Variants in DHX34 observed in about 807,000 individuals in gnomAD.
DHX34 encodes the protein probable ATP-dependent RNA helicase DHX34.
In DHX34, 96 loss-of-function variants were observed where a neutral mutation model predicts 111.1. The observed-to-expected ratio is 0.86, with a 90% confidence interval of 0.73 to 1.02. The LOEUF is 1.02. DHX34 is among the 50% of genes least tolerant of loss of function. DHX34 has a pLI of 0.00. For synonymous variants in DHX34, 688 were observed against 670.4 expected (o/e 1.03, Z -0.41); for missense variants, 1,560 against 1,579.9 (o/e 0.99, Z 0.21).
chr19:47,374,887 G>T (rs1168337323), intron 9 of DHX34, among the ~76,000 whole-genome samples: 1 of 152,206 alleles, frequency 6.6e-6, no homozygotes, highest in African/African-American at 2.4e-5. Flanking sequence ...ATCGGTCAGG[G>T]CTCAGCAGGA....
At position 47,377,122 on chromosome 19, in the gene DHX34, C is replaced by T; in HGVS notation, c.2622C>T (p.Ser874=). 6.2e-7 allele frequency: 1 copy of T among 1,614,052 alleles called. No individual in the cohort carries two copies. Among genetic ancestry groups the T allele is most frequent in the South Asian group, 1.1e-5 (1 of 91,088 alleles). ...GSRDDKDKMS[S]KHQLLSFVSL... ...CAGACGACAAGGACAAGATGAGCAG[C>T]AAACACCAGCTCCTCAGCTTCGTGT... Residue 874 remains serine, a synonymous_variant, in exon 13 of 17, where the codon AGC becomes AGT. Coordinates refer to ENST00000328771, the MANE Select transcript of DHX34 (RefSeq NM_014681.6).
rs1160534572 is a variant in DHX34 at position 47,372,727 on chromosome 19, C to T, written c.1769-3C>T. ...AGCCTCAACCCCGTGTCCGCCGCTG[C>T]AGGGAAGATGCTGATCCTGGGCTCC... On this transcript the variant is annotated splice_region_variant and splice_polypyrimidine_tract_variant and intron_variant, in intron 7 of 16. Transcript: ENST00000328771. 1.9e-6 allele frequency: 3 copies of T among 1,592,432 alleles called. No homozygotes were observed. Among genetic ancestry groups the T allele is most frequent in the Middle Eastern group, 1.7e-4 (1 of 5,886 alleles).
chr19:47,349,548 G>T (rs1293178283), intron 1 of DHX34, among the ~76,000 whole-genome samples, 196 bp downstream of exon 1: 1 of 152,138 alleles, frequency 6.6e-6, no homozygotes, highest in Admixed American at 6.5e-5. Context: ...GAACCTGGGC[G>T]ACAGGCCAGA....
intron 2 of DHX34, among the ~76,000 whole-genome samples, chr19:47,354,495 C>T (rs1328072879): frequency 6.6e-6 from 1 of 152,168 alleles, no homozygotes; most frequent in Admixed American, 6.6e-5. Flanking sequence ...TGCATTGTCA[C>T]ATGGAATTCT....
At position 47,353,410 on chromosome 19, in the gene DHX34, C is replaced by T. The variant is rs140291013; in HGVS notation, c.380C>T (p.Ala127Val). ...GSQGLGRHLP[A>V]ERVAEFRRAL... ...CAGGGACTGGGCAGGCACTTGCCCG[C>T]GGAGAGAGTGGCTGAGTTCCGCCGA... is the stretch of plus-strand genomic sequence containing the variant. Residue 127 changes from alanine to valine, a missense_variant, in exon 2 of 17, where the codon GCG (alanine) becomes GTG (valine). Transcript: ENST00000328771. This position sits in a 1 kb window ranked among gnomAD's most constrained non-coding sequence, Gnocchi z 4.6. 281 of 1,614,186 alleles carry T rather than the reference C, an allele frequency of 1.7e-4. 3 individuals carry two copies. The African/African-American group carries it at 2.8e-3, about 16-fold the overall frequency.
At chr19:47,367,214 T>G in intron 7 of DHX34, 59 bp downstream of exon 7, 1 of 1,356,862 alleles carries the variant, frequency 7.4e-7, no homozygotes, top group Non-Finnish European at 9.5e-7. Flanking sequence ...TGGGCACAGC[T>G]CACTCTCTGA....
chr19:47,356,345 G>A (rs1314411122), intron 3 of DHX34, among the ~76,000 whole-genome samples: 2 of 151,808 alleles, frequency 1.3e-5, no homozygotes. Flanking sequence ...AAAAAAGAAA[G>A]AATGGGTCGG....
intron 1 of DHX34, among the ~76,000 whole-genome samples, chr19:47,352,462 G>A (rs565161478): frequency 2.0e-5 from 3 of 152,296 alleles, no homozygotes; most frequent in Admixed American, 2.0e-4. Flanking sequence ...AATTGCTTGA[G>A]CCCAGAAGTT....
intron 12 of DHX34, 53 bp from the exon 13 acceptor site, chr19:47,377,047 G>A: frequency 2.5e-6 from 4 of 1,611,778 alleles, no homozygotes; most frequent in Non-Finnish European, 3.4e-6. Context: ...GCGGGCTTCT[G>A]ATGGGCCTGG....
intron 6 of DHX34, among the ~76,000 whole-genome samples, chr19:47,363,518 C>G (rs1969697418): frequency 6.6e-6 from 1 of 151,948 alleles, no homozygotes; most frequent in South Asian, 2.1e-4. Flanking sequence ...GAGAATTGTT[C>G]CTTAAATCCA....
intron 2 of DHX34, among the ~76,000 whole-genome samples, chr19:47,354,441 GTTAATA>G (rs1193063006): frequency 2.0e-5 from 3 of 152,282 alleles, no homozygotes; most frequent in Non-Finnish European, 2.9e-5. Context: ...TTGCTATATA[GTTAATA>G]TTATATATAC....
In DHX34 at chr19:47,372,830, G is replaced by C. The variant is rs1245301497; in HGVS notation, c.1869G>C (p.Gln623His). The C allele has an allele frequency of 3.1e-6, 5 of 1,612,802 alleles. No individual in the cohort carries two copies. Among genetic ancestry groups the C allele is most frequent in the Non-Finnish European group, 8.5e-7 (1 of 1,179,804 alleles). The change falls in exon 8 of 17, where the codon CAG (glutamine) becomes CAC (histidine). Residue 623 changes from glutamine to histidine, a missense_variant. Gln to His is a conservative substitution (Grantham distance 24). Transcript: ENST00000328771. ...SVQSPFTRSA[Q>H]SSPECAAARR... Reference sequence around the variant, plus strand: ...AGTCGCCCTTCACCCGCAGCGCCCAGAGCAGCCCAGAGTGCGCGGCAGCAC... The same window carrying C: ...AGTCGCCCTTCACCCGCAGCGCCCACAGCAGCCCAGAGTGCGCGGCAGCAC...
intron 6 of DHX34, among the ~76,000 whole-genome samples, chr19:47,363,793 G>C (rs965947117): frequency 2.1e-5 from 3 of 146,336 alleles, no homozygotes; most frequent in African/African-American, 7.8e-5. Flanking sequence ...ACTCCAGCCT[G>C]GGCGATAGAA....
Position 47,380,116 on chromosome 19 carries a change from G to C in DHX34, c.2982+131G>C, listed in dbSNP as rs961243482. On this transcript the variant is annotated intron_variant, in intron 14 of 16. Coordinates refer to ENST00000328771, the MANE Select transcript of DHX34 (RefSeq NM_014681.6). ...CATTTGGGGGTTTTCAGGCCACAGA[G>C]GTTCAGTCACTTACACAAGGTCACT... The C allele has an allele frequency of 3.6e-6, 5 of 1,405,416 alleles. No homozygotes were observed. The African/African-American group carries it at 5.8e-5, about 16-fold the overall frequency. 87.1% of individuals were successfully genotyped at this position (1,405,416 alleles called of 1,614,324 possible).
intron 9 of DHX34, among the ~76,000 whole-genome samples, chr19:47,374,386 G>A (rs1352549984): frequency 2.0e-5 from 3 of 146,482 alleles, no homozygotes; most frequent in South Asian, 2.1e-4. Context: ...GTGGTGAGCC[G>A]AGATTGAGCC....
At chr19:47,364,866 GA>G (rs1201268897) in intron 6 of DHX34, among the ~76,000 whole-genome samples, 3 of 152,140 alleles carry the variant, frequency 2.0e-5, no homozygotes, top group African/African-American at 7.2e-5. Context: ...GGCTCCATCC[GA>G]GGCCACCAGG....
In DHX34 at chr19:47,375,556, C is replaced by T. The variant is rs1379966329; in HGVS notation, c.2155C>T (p.Arg719Trp). 24 of 1,549,740 alleles carry T rather than the reference C, an allele frequency of 1.5e-5. No individual in the cohort carries two copies. In the East Asian group the frequency reaches 1.9e-4, roughly 12 times the overall value. ...TCGGTTGCAGCAGCGCCGGGAGCGCCGGGCCCTGCACCAGCTGAAACGCCA... is the reference window on the plus strand; with the variant it reads ...TCGGTTGCAGCAGCGCCGGGAGCGCTGGGCCCTGCACCAGCTGAAACGCCA... ...YSRLQQRRER[R>W]ALHQLKRQHE... Residue 719 changes from arginine (R) to tryptophan (W), a missense_variant, in exon 10 of 17, where the codon CGG becomes TGG. Arg to Trp is a moderately radical substitution (Grantham distance 101). Coordinates refer to ENST00000328771, the MANE Select transcript of DHX34 (RefSeq NM_014681.6).
At chr19:47,380,538 AGAC>A (rs1970319494) in intron 14 of DHX34, among the ~76,000 whole-genome samples, 2 of 151,370 alleles carry the variant, frequency 1.3e-5, no homozygotes, top group Non-Finnish European at 2.9e-5. Flanking sequence ...GGAGGTGGCC[AGAC>A]TTGAAGGTTA....
In DHX34 at chr19:47,375,534, G is replaced by A. The variant is rs1481819910; in HGVS notation, c.2133G>A (p.Arg711=). ...QAAQVGDSYS[R]LQQRRERRAL... is the part of the protein sequence containing the mutation. ...CGCAGGTAGGGGACAGCTACAGTCG[G>A]TTGCAGCAGCGCCGGGAGCGCCGGG... The change falls in exon 10 of 17, where the codon CGG becomes CGA. Residue 711 remains arginine, a synonymous_variant. Transcript: ENST00000328771. The A allele has an allele frequency of 5.8e-6, 9 of 1,562,000 alleles. No homozygotes were observed. The highest frequency in any genetic ancestry group is 7.8e-6 in the Non-Finnish European group (9 of 1,159,496).
Sources: allele counts gnomAD v4.1 joint callset (sites outside exome capture counted in the v4.1 genomes callset), GRCh38; gene constraint gnomAD v4.1.1; non-coding constraint Gnocchi (gnomAD v3.1); transcripts MANE v1.5; gene names NCBI Gene and HGNC (gene_info 2026-07-23, HGNC 2026-07-21).